Variants in MICU3 observed in about 807,000 individuals in gnomAD.
The protein encoded by MICU3 is mitochondrial calcium uptake 3.
A neutral mutation model predicts 66.5 loss-of-function variants in MICU3; 62 were observed. The ratio of observed to expected loss-of-function variants is 0.93; its 90% CI spans 0.76 to 1.15. The LOEUF (loss-of-function observed/expected upper bound fraction) is 1.15, where lower values mean the gene tolerates loss of function less well. Among genes scored for constraint, MICU3 ranks in the 50% most tolerant of loss-of-function variants. The pLI is 0.00. For synonymous variants in MICU3, 308 were observed against 240.7 expected (o/e 1.28, Z -2.59); for missense variants, 779 against 664.4 (o/e 1.17, Z -1.90).
chr8:17,125,703 C>G (rs1476082647), downstream of MICU3, among the ~76,000 whole-genome samples: 1 of 152,002 alleles, frequency 6.6e-6, no homozygotes, highest in African/African-American at 2.4e-5. Flanking sequence ...GTATGTTACC[C>G]CAAACTTCAA....
chr8:17,053,509 A>G (rs1244890308), intron 1 of MICU3, among the ~76,000 whole-genome samples: 1 of 152,224 alleles, frequency 6.6e-6, no homozygotes, highest in Non-Finnish European at 1.5e-5. Context: ...CATCTAAGTA[A>G]GGTTGCAAAG....
chr8:17,098,649 A>C, intron 9 of MICU3, 96 bp downstream of exon 9: 1 of 803,988 alleles, frequency 1.2e-6, no homozygotes, highest in Non-Finnish European at 2.1e-6. Flanking sequence ...CCCAACATGT[A>C]TGTTACATTT....
At chr8:17,040,566 G>A (rs904288412) in intron 1 of MICU3, among the ~76,000 whole-genome samples, 1 of 152,154 alleles carries the variant, frequency 6.6e-6, no homozygotes, top group Non-Finnish European at 1.5e-5. Context: ...CAGTAATGGT[G>A]AATTTAGTAA....
At chr8:17,059,340 A>G (rs1283329830) in intron 1 of MICU3, among the ~76,000 whole-genome samples, 11 of 152,242 alleles carry the variant, frequency 7.2e-5, no homozygotes, top group Admixed American at 7.2e-4. Context: ...AAAGTAGACC[A>G]GGTGAATACC....
intron 2 of MICU3, among the ~76,000 whole-genome samples, chr8:17,067,675 G>T (rs1007169906): frequency 6.6e-6 from 1 of 152,064 alleles, no homozygotes; most frequent in South Asian, 2.1e-4. Flanking sequence ...CCTGACCTCA[G>T]GTGATCCTCC....
chr8:17,062,915 T>C (rs567136802), intron 1 of MICU3, among the ~76,000 whole-genome samples: 6 of 151,992 alleles, frequency 3.9e-5, no homozygotes, highest in East Asian at 1.9e-4. Flanking sequence ...AGAACTGTTA[T>C]GGATATTTCT....
chr8:17,125,453 T>C (rs1220652969), downstream of MICU3, among the ~76,000 whole-genome samples: 1 of 152,172 alleles, frequency 6.6e-6, no homozygotes, highest in Non-Finnish European at 1.5e-5. Context: ...AATCCTTTGG[T>C]ATACGTTCAT....
At chr8:17,117,194 C>T (rs760983196) in intron 13 of MICU3, among the ~76,000 whole-genome samples, 7 of 151,588 alleles carry the variant, frequency 4.6e-5, no homozygotes, top group Non-Finnish European at 8.8e-5. Context: ...CCCAGGCTGA[C>T]GTTGAACTCC....
intron 2 of MICU3, among the ~76,000 whole-genome samples, chr8:17,065,429 A>G (rs998171536): frequency 6.6e-6 from 1 of 152,208 alleles, no homozygotes; most frequent in Non-Finnish European, 1.5e-5. Flanking sequence ...TAGAATGTGT[A>G]TGAATGAAAT....
intron 8 of MICU3, among the ~76,000 whole-genome samples, chr8:17,096,030 C>T (rs1800643402): frequency 6.6e-6 from 1 of 151,962 alleles, no homozygotes; most frequent in Admixed American, 6.6e-5. Flanking sequence ...GGCTACCTAA[C>T]TGTATATTCT....
chr8:17,109,751 A>T (rs1169108997), intron 11 of MICU3, among the ~76,000 whole-genome samples: 11 of 152,192 alleles, frequency 7.2e-5, no homozygotes, highest in African/African-American at 2.2e-4. Context: ...TAATTTAAAA[A>T]TTTTTAAAAT....
At chr8:17,083,886 G>T (rs1299515263) in intron 5 of MICU3, among the ~76,000 whole-genome samples, 1 of 152,064 alleles carries the variant, frequency 6.6e-6, no homozygotes, top group Non-Finnish European at 1.5e-5. Context: ...AGAGTGATAG[G>T]CAAGGATAAG....
chr8:17,092,677 GTTA>G (rs1481763082), intron 8 of MICU3, among the ~76,000 whole-genome samples: 4 of 151,988 alleles, frequency 2.6e-5, no homozygotes, highest in Admixed American at 6.6e-5. Context: ...TCATTAAGGA[GTTA>G]TTATTTTCAT....
At chr8:17,072,018 T>C (rs1005138699) in intron 3 of MICU3, among the ~76,000 whole-genome samples, 1 of 152,018 alleles carries the variant, frequency 6.6e-6, no homozygotes, top group Non-Finnish European at 1.5e-5. Flanking sequence ...CCCAACCAAA[T>C]TGATCCGAAA....
chr8:17,127,952 G>A, the MICU3 span, among the ~76,000 whole-genome samples: 1 of 152,134 alleles, frequency 6.6e-6, no homozygotes, highest in Admixed American at 6.5e-5. Flanking sequence ...TATCAGTTTA[G>A]AGCCTGAATT....
At chr8:17,087,443 T>A (rs952475242) in intron 7 of MICU3, among the ~76,000 whole-genome samples, 1 of 152,042 alleles carries the variant, frequency 6.6e-6, no homozygotes, top group Non-Finnish European at 1.5e-5. Flanking sequence ...ATATGTTTTC[T>A]TGCATTCTTA....
intron 1 of MICU3, among the ~76,000 whole-genome samples, chr8:17,040,064 C>T (rs745607353): frequency 6.6e-5 from 10 of 151,854 alleles, no homozygotes; most frequent in East Asian, 1.9e-4. Context: ...TGCGCCAGCA[C>T]GCCTGGCTAA....
chr8:17,081,161 T>C (rs17501847), intron 4 of MICU3, among the ~76,000 whole-genome samples: 5,540 of 152,192 alleles, frequency 0.036, 150 homozygotes, highest in Non-Finnish European at 0.054. Flanking sequence ...GTACATTTAA[T>C]AGAAGCATTG....
intron 3 of MICU3, among the ~76,000 whole-genome samples, chr8:17,073,414 G>GA (rs747656372): frequency 5.9e-5 from 9 of 151,746 alleles, no homozygotes; most frequent in Non-Finnish European, 1.2e-4. Context: ...CTTCTTATGA[G>GA]AATCTAATGC....
Sources: allele counts gnomAD v4.1 joint callset (sites outside exome capture counted in the v4.1 genomes callset), GRCh38; gene constraint gnomAD v4.1.1; transcripts MANE v1.5; gene names NCBI Gene and HGNC (gene_info 2026-07-23, HGNC 2026-07-21).